Variants in DPYD observed in about 807,000 individuals in gnomAD.
The protein encoded by DPYD is dihydropyrimidine dehydrogenase.
In DPYD, 109 loss-of-function variants were observed where a neutral mutation model predicts 116.2. The ratio of observed to expected loss-of-function variants is 0.94; its 90% CI spans 0.80 to 1.10. The LOEUF (loss-of-function observed/expected upper bound fraction) is 1.10. DPYD is among the 50% of genes least tolerant of loss of function. The probability of loss-of-function intolerance (pLI) is 0.00; values close to 1 mark genes in which losing one functional copy is unlikely to be tolerated. For missense variants in DPYD, 1,302 were observed against 1,254.5 expected (o/e 1.04, Z -0.57); for synonymous variants, 440 against 432.0 (o/e 1.02, Z -0.23).
chr1:97,683,301 A>T (rs1045761447), intron 7 of DPYD, among the ~76,000 whole-genome samples: 1 of 152,010 alleles, frequency 6.6e-6, no homozygotes, highest in East Asian at 1.9e-4. Context: ...ATATGATTTT[A>T]TATTTATTTT....
chr1:97,526,838 T>C (rs1030989155), intron 12 of DPYD, among the ~76,000 whole-genome samples: 1 of 152,332 alleles, frequency 6.6e-6, no homozygotes, highest in African/African-American at 2.4e-5. Flanking sequence ...AAAATGTTTT[T>C]CTATTTTATT....
At chr1:97,725,986 C>A (rs528792022) in intron 4 of DPYD, among the ~76,000 whole-genome samples, 38 of 151,486 alleles carry the variant, frequency 2.5e-4, no homozygotes, top group Middle Eastern at 3.4e-3. Flanking sequence ...GTGAATACAT[C>A]TCATAAAAGC....
chr1:97,202,168 T>C (rs1659254918), intron 19 of DPYD, among the ~76,000 whole-genome samples: 1 of 152,142 alleles, frequency 6.6e-6, no homozygotes, highest in Non-Finnish European at 1.5e-5. Context: ...AAAAGTTCAG[T>C]TCAGAAAAAT....
intron 11 of DPYD, among the ~76,000 whole-genome samples, chr1:97,563,282 T>C (rs1441487831): frequency 6.6e-6 from 1 of 152,222 alleles, no homozygotes; most frequent in East Asian, 1.9e-4. Flanking sequence ...AACCTTTTAC[T>C]ATACTATAAG....
At chr1:97,640,176 G>T (rs959898670) in intron 8 of DPYD, among the ~76,000 whole-genome samples, 3 of 151,942 alleles carry the variant, frequency 2.0e-5, no homozygotes, top group East Asian at 1.9e-4. Context: ...CAAATTCTTC[G>T]ATTTGTTTTT....
intron 3 of DPYD, among the ~76,000 whole-genome samples, chr1:97,773,086 TTCTATC>T (rs1666225579): frequency 6.6e-6 from 1 of 152,212 alleles, no homozygotes; most frequent in Non-Finnish European, 1.5e-5. Flanking sequence ...GTGAGTTTTA[TTCTATC>T]TCTAACAATG....
intron 12 of DPYD, among the ~76,000 whole-genome samples, chr1:97,539,053 C>G (rs913283005): frequency 6.6e-6 from 1 of 151,932 alleles, no homozygotes; most frequent in Admixed American, 6.6e-5. Flanking sequence ...TTTAGGCAAA[C>G]ATATATATAT....
At chr1:97,305,213 C>T in intron 18 of DPYD, 46 bp downstream of exon 18, 2 of 1,610,852 alleles carry the variant, frequency 1.2e-6, no homozygotes, top group Non-Finnish European at 1.7e-6. Context: ...TCTGATTTTT[C>T]AGCAACCTCC....
chr1:97,700,057 T>C (rs556943007), intron 5 of DPYD: 3 of 347,804 alleles, frequency 8.6e-6, no homozygotes, highest in South Asian at 4.5e-5. Flanking sequence ...GAATAATGAT[T>C]TAAAAAAATA....
intron 6 of DPYD, among the ~76,000 whole-genome samples, chr1:97,692,425 T>TA (rs915143749): frequency 2.7e-4 from 41 of 149,442 alleles, no homozygotes; most frequent in African/African-American, 8.8e-4. Context: ...TGCCTGCATT[T>TA]AAAAAAAAAA....
intron 16 of DPYD, among the ~76,000 whole-genome samples, chr1:97,316,343 A>G (rs577618877): frequency 4.8e-4 from 38 of 78,712 alleles, no homozygotes; most frequent in Admixed American, 1.2e-3. Flanking sequence ...TAAAAAAAAG[A>G]AAAAAAAAAA....
At chr1:97,567,307 G>A (rs1488625124) in intron 11 of DPYD, among the ~76,000 whole-genome samples, 1 of 151,120 alleles carries the variant, frequency 6.6e-6, no homozygotes, top group African/African-American at 2.4e-5. Context: ...AGGAACTGAT[G>A]AGTGATTTAA....
At chr1:97,863,126 T>C (rs1671205003) in intron 2 of DPYD, among the ~76,000 whole-genome samples, 1 of 151,872 alleles carries the variant, frequency 6.6e-6, no homozygotes, top group East Asian at 1.9e-4. Context: ...ATATTAATCA[T>C]TAGGATAAAA....
intron 16 of DPYD, among the ~76,000 whole-genome samples, chr1:97,329,894 G>A (rs1668901039): frequency 6.7e-6 from 1 of 150,048 alleles, no homozygotes; most frequent in African/African-American, 2.5e-5. Flanking sequence ...GACTTTTGAT[G>A]AAGGTTAAAA....
intron 19 of DPYD, among the ~76,000 whole-genome samples, chr1:97,220,244 G>A (rs187488867): frequency 7.2e-5 from 11 of 152,048 alleles, no homozygotes; most frequent in Non-Finnish European, 1.2e-4. Flanking sequence ...TTTATACGAA[G>A]AGAAAGAAAG....
chr1:97,168,914 G>A (rs553376346), intron 20 of DPYD, among the ~76,000 whole-genome samples: 16 of 150,134 alleles, frequency 1.1e-4, no homozygotes, highest in African/African-American at 2.2e-4. Context: ...TGGCATGATC[G>A]CAGCTCACTG....
At chr1:97,770,744 A>C (rs1666095475) in intron 3 of DPYD, among the ~76,000 whole-genome samples, 1 of 152,170 alleles carries the variant, frequency 6.6e-6, no homozygotes, top group Admixed American at 6.6e-5. Context: ...CATTGTAACA[A>C]TTTATTTGCT....
At chr1:97,900,832 T>C (rs892738595) in intron 1 of DPYD, among the ~76,000 whole-genome samples, 1 of 151,720 alleles carries the variant, frequency 6.6e-6, no homozygotes, top group African/African-American at 2.4e-5. Flanking sequence ...CTCCCTCCTA[T>C]CAAGCCGCAG....
At chr1:97,736,850 T>G (rs1001865541) in intron 4 of DPYD, among the ~76,000 whole-genome samples, 8 of 142,022 alleles carry the variant, frequency 5.6e-5, no homozygotes, top group Admixed American at 1.4e-4. Context: ...GTGTGTGCAT[T>G]TGTGTGTGTG....
Sources: gnomAD v4.1 joint callset for allele counts (sites outside exome capture counted in the v4.1 genomes callset) on GRCh38, gnomAD v4.1.1 for gene constraint, MANE v1.5 for transcripts, NCBI Gene and HGNC (gene_info 2026-07-23, HGNC 2026-07-21) for gene names.